Variants in PPP2R1B observed in about 807,000 individuals in gnomAD.
The protein encoded by PPP2R1B is protein phosphatase 2 scaffold subunit Abeta, also known as serine/threonine-protein phosphatase 2A 65 kDa regulatory subunit A beta isoform.
A neutral mutation model predicts 72.7 loss-of-function variants in PPP2R1B; 58 were observed. The ratio of observed to expected loss-of-function variants is 0.80; its 90% CI spans 0.65 to 0.99. The LOEUF (loss-of-function observed/expected upper bound fraction) is 0.99, where lower values mean the gene tolerates loss of function less well. PPP2R1B is among the 50% of genes least tolerant of loss of function. The probability of loss-of-function intolerance (pLI) is 0.00; values close to 1 mark genes in which losing one functional copy is unlikely to be tolerated. For synonymous variants in PPP2R1B, 256 were observed against 264.6 expected, an observed-to-expected ratio of 0.97 and a Z score of 0.32; for missense variants, 695 against 733.6, an observed-to-expected ratio of 0.95 and a Z score of 0.61.
chr11:111,716,022 G>A, the PPP2R1B span, among the ~76,000 whole-genome samples: 31 of 151,986 alleles, frequency 2.0e-4, no homozygotes, highest in African/African-American at 6.3e-4. Flanking sequence ...GGCTGGTCTC[G>A]AACTCCTGTC....
chr11:111,757,070 C>T lies in PPP2R1B; in HGVS notation c.688-1620G>A, dbSNP rs538742760. Among the ~76,000 whole-genome samples, 9 of 150,644 alleles carry T rather than the reference C, an allele frequency of 6.0e-5. No individual in the cohort carries two copies. The South Asian group carries it at 1.0e-3, about 18-fold the overall frequency. On this transcript the variant is annotated intron_variant, in intron 5 of 14. Transcript: ENST00000527614. The stretch of plus-strand genomic sequence containing the variant: ...CAGAGGCTGCAGTGAGCCGAGATCG[C>T]GCCACTGCACTCCAGCCTGGGTGAC...
At chr11:111,718,738 T>C in the PPP2R1B span, 1 of 152,194 alleles carries the variant, frequency 6.6e-6, no homozygotes, top group Non-Finnish European at 1.5e-5. Context: ...AAGGAAACAG[T>C]AGCTCTACCC....
chr11:111,759,834 TG>T lies in PPP2R1B; in HGVS notation c.656del (p.Pro219HisfsTer6). 6.2e-7 allele frequency: 1 copy of T among 1,614,026 alleles called. No homozygotes were observed. Among genetic ancestry groups the T allele is most frequent in the Non-Finnish European group, 8.5e-7 (1 of 1,179,938 alleles). ...CATCTGAAGCTAGACTAGTGAACAG[TG>T]GAACAATTTCACTTTTCACACTGTC... ...ELDSVKSEIV[P>X]LFTSLASDEQ... On this transcript the variant is annotated frameshift_variant, in exon 5 of 15. Transcript: ENST00000527614. LOFTEE classifies it high-confidence loss of function.
chr11:111,706,309 G>A, the PPP2R1B span, among the ~76,000 whole-genome samples: 1 of 152,308 alleles, frequency 6.6e-6, no homozygotes, highest in South Asian at 2.1e-4. Context: ...CTGTTCTTGA[G>A]CCAGAGCCTG....
the PPP2R1B span, among the ~76,000 whole-genome samples, chr11:111,696,660 A>C: frequency 6.6e-6 from 1 of 152,198 alleles, no homozygotes; most frequent in African/African-American, 2.4e-5. Context: ...CGAATGCCCA[A>C]GTGATTGTTT....
At chr11:111,710,351 GT>G in the PPP2R1B span, among the ~76,000 whole-genome samples, 1 of 152,068 alleles carries the variant, frequency 6.6e-6, no homozygotes, top group Non-Finnish European at 1.5e-5. Context: ...TTGTTTATTT[GT>G]TTTGGGGCAT....
At chr11:111,760,274 C>G (rs1788955) in intron 4 of PPP2R1B, among the ~76,000 whole-genome samples, 113,142 of 151,910 alleles carry the variant, frequency 0.74, 42,766 homozygotes, top group African/African-American at 0.88. Flanking sequence ...TGTTGTTTGT[C>G]GGGGGCTCAA....
chr11:111,726,901 T>C (rs1032240755), downstream of PPP2R1B: 1 of 1,533,110 alleles, frequency 6.5e-7, no homozygotes, highest in Non-Finnish European at 9.0e-7. Flanking sequence ...AAAAATTTCG[T>C]TCGGCAAAAA....
chr11:111,744,997 T>A (rs528930618), intron 11 of PPP2R1B, among the ~76,000 whole-genome samples: 1 of 151,834 alleles, frequency 6.6e-6, no homozygotes, highest in African/African-American at 2.4e-5. Context: ...CCCTTCCCTG[T>A]CCTCCCCACT....
intron 15 of PPP2R1B, chr11:111,728,104 C>A (rs1222851362): frequency 6.6e-6 from 1 of 152,142 alleles, no homozygotes; most frequent in African/African-American, 2.4e-5. Context: ...GGTGCCAGGG[C>A]TGACCTGCTA....
At chr11:111,749,521 G>A (rs1208585988) in intron 10 of PPP2R1B, among the ~76,000 whole-genome samples, 1 of 151,006 alleles carries the variant, frequency 6.6e-6, no homozygotes, top group Non-Finnish European at 1.5e-5. Flanking sequence ...CTGACCTCAG[G>A]TGATCCACCC....
At chr11:111,737,646 C>T, downstream of PPP2R1B, 1 of 1,595,920 alleles carries the variant, frequency 6.3e-7, no homozygotes, top group East Asian at 2.2e-5. Context: ...TGCTTCCCAG[C>T]CAGGATGCCC....
the PPP2R1B span, chr11:111,701,063 G>A: frequency 6.3e-7 from 1 of 1,581,668 alleles, no homozygotes; most frequent in African/African-American, 1.4e-5. This position sits in a 1 kb window ranked among gnomAD's most constrained non-coding sequence, Gnocchi z 4.2. Flanking sequence ...ATAATACTTG[G>A]TGTTCTGGCC....
At chr11:111,718,707 C>T in the PPP2R1B span, 4 of 152,362 alleles carry the variant, frequency 2.6e-5, no homozygotes, top group African/African-American at 7.2e-5. Flanking sequence ...CTCTCACATA[C>T]ATGAGCTTCT....
intron 10 of PPP2R1B, among the ~76,000 whole-genome samples, chr11:111,750,262 C>G (rs1944853590): frequency 6.6e-6 from 1 of 152,068 alleles, no homozygotes; most frequent in Non-Finnish European, 1.5e-5. Flanking sequence ...ATGTTGTGAC[C>G]TGAAAGGAAT....
chr11:111,755,321 A>C lies in PPP2R1B; in HGVS notation c.817T>G (p.Tyr273Asp), dbSNP rs782044577. 6.2e-7 allele frequency: 1 copy of C among 1,610,986 alleles called. No individual in the cohort carries two copies. Among genetic ancestry groups the C allele is most frequent in the Non-Finnish European group, 8.5e-7 (1 of 1,179,294 alleles). Reference protein sequence around the residue: ...AAEDKSWRVRYMVADRFSELQ... With the variant: ...AAEDKSWRVRDMVADRFSELQ... ...TCTGAAAATCTGTCAGCCACCATAT[A>C]GCGAACGCGCCAAGATTTATCTTCT... The change falls in exon 6 of 15, where the codon TAT becomes GAT. Residue 273 changes from tyrosine (Y) to aspartate (D), a missense_variant. Tyr to Asp is a radical substitution (Grantham distance 160, BLOSUM62 -3). Transcript: ENST00000527614.
At chr11:111,693,062 A>G in the PPP2R1B span, among the ~76,000 whole-genome samples, 6 of 152,134 alleles carry the variant, frequency 3.9e-5, no homozygotes, top group African/African-American at 7.2e-5. Flanking sequence ...GGCCGGGCGC[A>G]GTGGCTCACG....
At chr11:111,713,028 G>A in the PPP2R1B span, among the ~76,000 whole-genome samples, 1 of 152,106 alleles carries the variant, frequency 6.6e-6, no homozygotes, top group African/African-American at 2.4e-5. Flanking sequence ...AGCCAGGCGT[G>A]GTGGTACACA....
the PPP2R1B span, among the ~76,000 whole-genome samples, chr11:111,692,266 G>C: frequency 1.1e-3 from 159 of 138,552 alleles, no homozygotes; most frequent in African/African-American, 3.9e-3. Flanking sequence ...CAGGAGAATT[G>C]CTTGAACCCA....
Sources: allele counts gnomAD v4.1 joint callset (sites outside exome capture counted in the v4.1 genomes callset), GRCh38; gene constraint gnomAD v4.1.1; non-coding constraint Gnocchi (gnomAD v3.1); transcripts MANE v1.5; gene names NCBI Gene and HGNC (gene_info 2026-07-23, HGNC 2026-07-21).